AUTS2: variants seen among roughly 807,000 people sequenced by gnomAD.
The protein encoded by AUTS2 is activator of transcription and developmental regulator AUTS2.
Under a neutral mutation model 112.4 loss-of-function variants are expected in AUTS2, and 17 were observed. That is an observed-to-expected ratio of 0.15 (90% CI 0.10 to 0.23). AUTS2 has a LOEUF of 0.23. AUTS2 is among the 10% of genes least tolerant of loss of function. The probability of loss-of-function intolerance (pLI) is 1.00; values close to 1 mark genes in which losing one functional copy is unlikely to be tolerated. For synonymous variants in AUTS2, 751 were observed against 702.7 expected, an observed-to-expected ratio of 1.07 and a Z score of -1.09; for missense variants, 1,510 against 1,701.6, an observed-to-expected ratio of 0.89 and a Z score of 1.98.
intron 4 of AUTS2, among the ~76,000 whole-genome samples, chr7:70,143,079 C>G (rs931434048): frequency 6.6e-6 from 1 of 152,062 alleles, no homozygotes; most frequent in Non-Finnish European, 1.5e-5. Context: ...TAGATGCCTC[C>G]CAATCCATTG....
At chr7:69,731,278 C>T (rs1786780501) in intron 1 of AUTS2, among the ~76,000 whole-genome samples, 1 of 152,052 alleles carries the variant, frequency 6.6e-6, no homozygotes, top group Non-Finnish European at 1.5e-5. Context: ...GAAGACATAG[C>T]CCAACCCTGT....
intron 4 of AUTS2, among the ~76,000 whole-genome samples, chr7:70,185,352 C>CTACCT (rs1809546443): frequency 6.8e-6 from 1 of 147,434 alleles, no homozygotes; most frequent in Non-Finnish European, 1.5e-5. Flanking sequence ...AGTGATCCTC[C>CTACCT]TACCTTGGCC....
At chr7:70,635,069 C>T (rs1020545245) in intron 5 of AUTS2, among the ~76,000 whole-genome samples, 3 of 152,146 alleles carry the variant, frequency 2.0e-5, no homozygotes, top group Non-Finnish European at 4.4e-5. Flanking sequence ...AGTGGGATTC[C>T]AAGAACCAGA....
At position 69,892,828 on chromosome 7, in the gene AUTS2, A is replaced by G. The variant is rs151240001; in HGVS notation, c.310-6458A>G. Among the ~76,000 whole-genome samples the G allele has an allele frequency of 2.7e-3, 413 of 152,346 alleles. 4 individuals carry two copies. Among genetic ancestry groups the G allele is most frequent in the African/African-American group, 9.5e-3 (393 of 41,576 alleles). The stretch of plus-strand genomic sequence containing the variant: ...AATTTTGCATATGATTACCTATTCT[A>G]TCACCATTTGTTTAAAAAACTTATT... On this transcript the variant is annotated intron_variant, in intron 1 of 18. Coordinates refer to ENST00000342771, the MANE Select transcript of AUTS2 (RefSeq NM_015570.4).
intron 5 of AUTS2, among the ~76,000 whole-genome samples, chr7:70,530,546 T>G (rs1437683539): frequency 1.3e-5 from 2 of 152,128 alleles, no homozygotes; most frequent in East Asian, 1.9e-4. Context: ...GAATTACTTA[T>G]GATGATGATA....
intron 4 of AUTS2, among the ~76,000 whole-genome samples, chr7:70,380,961 G>A (rs1156665710): frequency 6.6e-6 from 1 of 152,178 alleles, no homozygotes; most frequent in Admixed American, 6.5e-5. Context: ...AAAATGGCCA[G>A]ATATCCATTA....
intron 5 of AUTS2, among the ~76,000 whole-genome samples, chr7:70,594,855 A>G (rs1380973949): frequency 6.6e-6 from 1 of 152,180 alleles, no homozygotes; most frequent in African/African-American, 2.4e-5. Context: ...TAATCCCAGC[A>G]CTTTGGAAGG....
chr7:70,039,467 G>T (rs548732405), intron 2 of AUTS2, among the ~76,000 whole-genome samples: 1 of 151,894 alleles, frequency 6.6e-6, no homozygotes, highest in African/African-American at 2.4e-5. Context: ...GGTTCCAGCA[G>T]TTCTCCTGCC....
intron 5 of AUTS2, among the ~76,000 whole-genome samples, chr7:70,611,688 A>C (rs1231696117): frequency 6.6e-6 from 1 of 152,220 alleles, no homozygotes; most frequent in Non-Finnish European, 1.5e-5. Context: ...ACAATTACGC[A>C]GTCACAATGG....
At chr7:69,682,567 A>G (rs1057052212) in intron 1 of AUTS2, among the ~76,000 whole-genome samples, 4 of 152,182 alleles carry the variant, frequency 2.6e-5, no homozygotes, top group African/African-American at 9.7e-5. Context: ...TTCAATACTC[A>G]TACTCTTAAG....
At chr7:69,815,971 G>A (rs1790743195) in intron 1 of AUTS2, among the ~76,000 whole-genome samples, 1 of 152,216 alleles carries the variant, frequency 6.6e-6, no homozygotes, top group African/African-American at 2.4e-5. Context: ...AGTAATTTGT[G>A]TTTGGACTTG....
chr7:70,453,145 T>G (rs1796598449), intron 5 of AUTS2, among the ~76,000 whole-genome samples: 1 of 152,160 alleles, frequency 6.6e-6, no homozygotes. Flanking sequence ...TGCTTCAGGA[T>G]AAGGGCACCA....
Position 70,436,862 on chromosome 7 carries a change from G to A in AUTS2, c.690+1081G>A, listed in dbSNP as rs191628163. 1.2e-4 allele frequency: 19 copies of A among 152,294 alleles called. No homozygotes were observed. The East Asian group carries it at 3.1e-3, about 25-fold the overall frequency. 9.4% of individuals were successfully genotyped at this position (152,294 alleles called of 1,614,324 possible). On this transcript the variant is annotated intron_variant, in intron 5 of 18. Transcript: ENST00000342771. ...GCATATGTAGCCTGTTATAAAATGCGAGACATCATCATTTGAGCAGGTCAA... is the reference window on the plus strand; with the variant it reads ...GCATATGTAGCCTGTTATAAAATGCAAGACATCATCATTTGAGCAGGTCAA...
At chr7:69,748,020 T>C (rs1787580325) in intron 1 of AUTS2, among the ~76,000 whole-genome samples, 1 of 150,748 alleles carries the variant, frequency 6.6e-6, no homozygotes, top group Non-Finnish European at 1.5e-5. Flanking sequence ...CGAATCTAGA[T>C]AGAATAAATT....
At chr7:70,748,999 G>A (rs1163369323) in intron 6 of AUTS2, among the ~76,000 whole-genome samples, 2 of 152,110 alleles carry the variant, frequency 1.3e-5, no homozygotes, top group Non-Finnish European at 1.5e-5. Context: ...TTTCTGCATG[G>A]TCCAGTGAAT....
At chr7:69,776,291 T>C (rs1788894101) in intron 1 of AUTS2, among the ~76,000 whole-genome samples, 1 of 152,202 alleles carries the variant, frequency 6.6e-6, no homozygotes, top group Non-Finnish European at 1.5e-5. Context: ...GACTGTGCTT[T>C]CTAGGAGGGA....
At chr7:69,632,617 C>G (rs1186886462) in intron 1 of AUTS2, among the ~76,000 whole-genome samples, 2 of 149,858 alleles carry the variant, frequency 1.3e-5, no homozygotes, top group African/African-American at 2.5e-5. Flanking sequence ...CCCCTCTTCC[C>G]TCTCTGTTTT....
intron 1 of AUTS2, among the ~76,000 whole-genome samples, chr7:69,727,500 G>C (rs1046955788): frequency 6.6e-6 from 1 of 152,214 alleles, no homozygotes; most frequent in African/African-American, 2.4e-5. Flanking sequence ...CGAGGCAGGA[G>C]AATAGCTTGA....
intron 6 of AUTS2, among the ~76,000 whole-genome samples, chr7:70,701,239 T>C (rs942986873): frequency 4.6e-5 from 7 of 152,114 alleles, no homozygotes; most frequent in Non-Finnish European, 1.0e-4. Flanking sequence ...CACAAGCTGA[T>C]TGTGGTGGGG....
Sources: allele counts gnomAD v4.1 joint callset (sites outside exome capture counted in the v4.1 genomes callset), GRCh38; gene constraint gnomAD v4.1.1; transcripts MANE v1.5; gene names NCBI Gene and HGNC (gene_info 2026-07-23, HGNC 2026-07-21).